The following SLC68A1 variants were observed in gnomAD, a reference collection of about 807,000 sequenced individuals.
The protein encoded by SLC68A1 is solute carrier family 68 member 1, also known as major facilitator superfamily domain containing 13A.
At chr10:102,470,783 G>A in the SLC68A1 span, 1 of 1,614,010 alleles carries the variant, frequency 6.2e-7, no homozygotes, top group Non-Finnish European at 8.5e-7. Flanking sequence ...GGCCCCAGCT[G>A]GCCTGCAGTT....
At chr10:102,476,097 G>T in the SLC68A1 span, 22 of 1,256,658 alleles carry the variant, frequency 1.8e-5, no homozygotes, top group Admixed American at 9.0e-4. Context: ...TTTTTTTGGA[G>T]CTGTTGCCCA....
the SLC68A1 span, chr10:102,476,707 G>A: frequency 9.1e-6 from 9 of 986,212 alleles, no homozygotes; most frequent in Non-Finnish European, 1.1e-5. Flanking sequence ...GGACAGAAGA[G>A]GACCAAGAAG....
chr10:102,469,970 T>C, the SLC68A1 span: 1 of 1,611,728 alleles, frequency 6.2e-7, no homozygotes, highest in Non-Finnish European at 8.5e-7. Context: ...GAGCCCACCT[T>C]CCTGTCTCCC....
the SLC68A1 span, chr10:102,461,815 G>A: frequency 2.0e-5 from 3 of 152,370 alleles, no homozygotes; most frequent in African/African-American, 7.2e-5. Flanking sequence ...CACTTGGGGA[G>A]CTTTGAAAAA....
chr10:102,470,751 TC>T, the SLC68A1 span: 8 of 1,613,916 alleles, frequency 5.0e-6, no homozygotes, highest in Non-Finnish European at 6.8e-6. Flanking sequence ...GCGCTGTCGT[TC>T]CTGGCGTTCT....
chr10:102,461,652 G>A, the SLC68A1 span, among the ~76,000 whole-genome samples: 4 of 152,122 alleles, frequency 2.6e-5, no homozygotes, highest in African/African-American at 7.2e-5. Context: ...GGGTTCAAGG[G>A]GGCAAGGGTG....
At chr10:102,468,680 AG>A in the SLC68A1 span, 1 of 195,044 alleles carries the variant, frequency 5.1e-6, no homozygotes, top group Non-Finnish European at 1.1e-5. Context: ...AAAAAAAAAA[AG>A]ACATCGAGCA....
At chr10:102,472,968 G>T in the SLC68A1 span, 6 of 1,583,670 alleles carry the variant, frequency 3.8e-6, no homozygotes, top group Non-Finnish European at 5.2e-6. Context: ...TGGACCTTGG[G>T]TGCTTCATGC....
At chr10:102,469,106 C>G in the SLC68A1 span, 2 of 1,614,142 alleles carry the variant, frequency 1.2e-6, no homozygotes, top group Non-Finnish European at 1.7e-6. Flanking sequence ...GCTCTCTTCA[C>G]CACCATCCTG....
the SLC68A1 span, chr10:102,473,571 C>T: frequency 1.3e-6 from 2 of 1,598,762 alleles, no homozygotes; most frequent in South Asian, 2.2e-5. Context: ...CCTCCCCAGG[C>T]CTCTCCTATG....
chr10:102,470,601 A>G, the SLC68A1 span: 1 of 1,562,542 alleles, frequency 6.4e-7, no homozygotes, highest in East Asian at 2.3e-5. Flanking sequence ...GGGCCTGGGC[A>G]AGGGGAACTT....
At chr10:102,468,851 A>G in the SLC68A1 span, 2 of 594,122 alleles carry the variant, frequency 3.4e-6, no homozygotes, top group South Asian at 2.0e-5. Flanking sequence ...TTGTAAGTAC[A>G]AACTCTCTCC....
At chr10:102,467,555 G>T in the SLC68A1 span, among the ~76,000 whole-genome samples, 1 of 152,192 alleles carries the variant, frequency 6.6e-6, no homozygotes, top group Non-Finnish European at 1.5e-5. Flanking sequence ...TCTTCAGGGG[G>T]TTCAAGGGCC....
At chr10:102,475,918 G>A in the SLC68A1 span, 14 of 1,613,628 alleles carry the variant, frequency 8.7e-6, no homozygotes, top group Admixed American at 2.3e-4. Flanking sequence ...GGAGACGCCT[G>A]CACATGGTCA....
At chr10:102,472,853 G>GGTC in the SLC68A1 span, 1 of 1,613,774 alleles carries the variant, frequency 6.2e-7, no homozygotes, top group Non-Finnish European at 8.5e-7. Context: ...TCGGGTTGCA[G>GGTC]GTCTTCCACT....
chr10:102,475,775 T>C, the SLC68A1 span: 4 of 1,613,772 alleles, frequency 2.5e-6, no homozygotes, highest in Non-Finnish European at 3.4e-6. Context: ...TGCCCATCCC[T>C]GGCCAGAGCC....
the SLC68A1 span, among the ~76,000 whole-genome samples, chr10:102,468,076 G>A: frequency 0.027 from 4,174 of 152,166 alleles, 89 homozygotes; most frequent in Middle Eastern, 0.058. Flanking sequence ...AGGCCCAGGG[G>A]TGGAGCCCTA....
chr10:102,470,924 G>A, the SLC68A1 span: 21 of 1,613,206 alleles, frequency 1.3e-5, no homozygotes, highest in South Asian at 2.2e-5. Flanking sequence ...CCTCTTCAGC[G>A]CGGCCGGCTC....
At chr10:102,464,513 C>T in the SLC68A1 span, among the ~76,000 whole-genome samples, 88 of 151,688 alleles carry the variant, frequency 5.8e-4, no homozygotes, top group Middle Eastern at 6.9e-3. Flanking sequence ...TACTGTAGGC[C>T]GGGCGCAGTG....
Sources: gnomAD v4.1 joint callset for allele counts (sites outside exome capture counted in the v4.1 genomes callset) on GRCh38, gnomAD v4.1.1 for gene constraint, MANE v1.5 for transcripts, NCBI Gene and HGNC (gene_info 2026-07-23, HGNC 2026-07-21) for gene names.